EPM2A: variants seen among roughly 807,000 people sequenced by gnomAD.
The protein encoded by EPM2A is laforin.
EPM2A carries 21 observed loss-of-function variants against 26.5 expected under a neutral mutation model. The ratio of observed to expected loss-of-function variants is 0.79; its 90% CI spans 0.56 to 1.14. The LOEUF is 1.14. Ranked by LOEUF, EPM2A falls within the 50% of genes most tolerant of loss-of-function variation. EPM2A has a pLI of 0.00. For missense variants in EPM2A, 458 were observed against 440.8 expected, an observed-to-expected ratio of 1.04 and a Z score of -0.35; for synonymous variants, 217 against 177.6, an observed-to-expected ratio of 1.22 and a Z score of -1.76.
At chr6:145,558,765 C>T (rs1004310326) in intron 2 of EPM2A, among the ~76,000 whole-genome samples, 10 of 151,986 alleles carry the variant, frequency 6.6e-5, no homozygotes, top group Non-Finnish European at 1.5e-4. Context: ...TGACTAAAGC[C>T]CAAGTTACTA....
chr6:145,490,174 T>C (rs1341345340), intron 4 of EPM2A: 6 of 1,030,098 alleles, frequency 5.8e-6, no homozygotes, highest in Non-Finnish European at 4.3e-6. Context: ...CTTCCATTAC[T>C]AGACGCTCTG....
At position 145,474,101 on chromosome 6, in the gene EPM2A, G is replaced by A. The variant is rs541750084; in HGVS notation, c.555+28421C>T. 1.3e-4 allele frequency among the ~76,000 whole-genome samples: 20 copies of A among 152,192 alleles called. No individual in the cohort carries two copies. In the East Asian group the frequency reaches 3.7e-3, roughly 28 times the overall value. Reference sequence around the variant, plus strand: ...AGTGTGAATCAATAAAAAATCATAAGTACAACAATTTTTCAAGATATAGTT... The same window carrying A: ...AGTGTGAATCAATAAAAAATCATAAATACAACAATTTTTCAAGATATAGTT... On this transcript the variant is annotated intron_variant, in intron 4 of 4. Transcript: ENST00000638717.
At chr6:145,596,942 C>A (rs555173159) in intron 2 of EPM2A, among the ~76,000 whole-genome samples, 49 of 102,232 alleles carry the variant, frequency 4.8e-4, no homozygotes, top group Admixed American at 8.7e-4. Flanking sequence ...GGCCGGACTG[C>A]GGACTGCAGT....
intron 2 of EPM2A, among the ~76,000 whole-genome samples, chr6:145,597,729 T>C (rs1398183038): frequency 3.3e-5 from 5 of 152,146 alleles, no homozygotes. Flanking sequence ...TCTCTTTCCT[T>C]TCACCCTCAA....
At chr6:145,464,154 T>C (rs531607314) in intron 4 of EPM2A, among the ~76,000 whole-genome samples, 2 of 152,228 alleles carry the variant, frequency 1.3e-5, no homozygotes, top group African/African-American at 2.4e-5. Flanking sequence ...GATTCCCCCA[T>C]GCTGTTCTCG....
At chr6:145,544,241 G>C (rs1780552615) in intron 2 of EPM2A, among the ~76,000 whole-genome samples, 1 of 152,144 alleles carries the variant, frequency 6.6e-6, no homozygotes, top group African/African-American at 2.4e-5. Flanking sequence ...CTCACAGATT[G>C]CTAAGCCGCA....
intron 2 of EPM2A, among the ~76,000 whole-genome samples, chr6:145,647,756 A>G (rs1197649780): frequency 6.6e-6 from 1 of 152,154 alleles, no homozygotes; most frequent in Non-Finnish European, 1.5e-5. Context: ...GGAAGAAGGA[A>G]GGACTTTACT....
chr6:145,438,375 G>T (rs1779016459), intron 4 of EPM2A, among the ~76,000 whole-genome samples: 1 of 152,048 alleles, frequency 6.6e-6, no homozygotes, highest in Admixed American at 6.6e-5. Context: ...TTCTGAGTCT[G>T]GGTCCATAGG....
intron 2 of EPM2A, among the ~76,000 whole-genome samples, chr6:145,653,580 A>G (rs1042146782): frequency 2.0e-5 from 3 of 152,232 alleles, no homozygotes; most frequent in African/African-American, 7.2e-5. Flanking sequence ...GGACATGTGC[A>G]TATGTATATT....
At chr6:145,434,046 T>C (rs1409470953) in intron 4 of EPM2A, among the ~76,000 whole-genome samples, 1 of 152,076 alleles carries the variant, frequency 6.6e-6, no homozygotes, top group African/African-American at 2.4e-5. Flanking sequence ...TATTTTACCC[T>C]CTTTTTTTGT....
chr6:145,456,254 T>C (rs1323901568), intron 4 of EPM2A, among the ~76,000 whole-genome samples: 1 of 152,182 alleles, frequency 6.6e-6, no homozygotes, highest in Non-Finnish European at 1.5e-5. Context: ...ATAATAGAAA[T>C]TACCAATTGC....
chr6:145,492,203 C>T (rs560820625), intron 4 of EPM2A: 2 of 183,114 alleles, frequency 1.1e-5, no homozygotes, highest in African/African-American at 4.8e-5. Flanking sequence ...TAGCTGGCTG[C>T]TTTGGCACCA....
chr6:145,417,112 G>A (rs1778719175), intron 4 of EPM2A, among the ~76,000 whole-genome samples: 1 of 152,136 alleles, frequency 6.6e-6, no homozygotes, highest in South Asian at 2.1e-4. Flanking sequence ...TAGGAAGCTC[G>A]TTATGCTGGG....
chr6:145,719,545 C>T (rs1363929604), intron 1 of EPM2A, among the ~76,000 whole-genome samples: 1 of 151,914 alleles, frequency 6.6e-6, no homozygotes, highest in Non-Finnish European at 1.5e-5. Context: ...GTGGGTGCAG[C>T]ACACCAGCAT....
rs34904009 is a variant in EPM2A, at chr6:145,393,432, C to CAAA, written c.556-9338_556-9336dup. Among the ~76,000 whole-genome samples the CAAA allele has an allele frequency of 7.3e-4, 107 of 147,178 alleles. No individual in the cohort carries two copies. The South Asian group carries it at 0.017, about 24-fold the overall frequency. On this transcript the variant is annotated intron_variant, in intron 4 of 4. Coordinates refer to the EPM2A transcript ENST00000638717. Reference sequence around the variant, plus strand: ...ATTGTGAGAAATAGAAAATGTGGCTCAAAAAAAAAAATCCTGATCATCATA... The same window carrying CAAA: ...ATTGTGAGAAATAGAAAATGTGGCTCAAAAAAAAAAAAAATCCTGATCATCATA...
At chr6:145,675,643 C>T (rs1396561438) in intron 2 of EPM2A, among the ~76,000 whole-genome samples, 1 of 152,008 alleles carries the variant, frequency 6.6e-6, no homozygotes, top group African/African-American at 2.4e-5. Context: ...ATCCTAGTCA[C>T]CAATAAAACA....
At chr6:145,616,869 T>C (rs929752145) in intron 2 of EPM2A, among the ~76,000 whole-genome samples, 3 of 152,206 alleles carry the variant, frequency 2.0e-5, no homozygotes, top group African/African-American at 7.2e-5. Context: ...GCACCCCCAT[T>C]GTATCTAGGA....
intron 4 of EPM2A, among the ~76,000 whole-genome samples, chr6:145,420,855 A>G (rs1405515476): frequency 6.6e-6 from 1 of 150,498 alleles, no homozygotes; most frequent in East Asian, 1.9e-4. Context: ...GAGAGATAGA[A>G]AGAGAGAGAG....
chr6:145,447,437 C>T (rs987418607), intron 4 of EPM2A, among the ~76,000 whole-genome samples: 1 of 152,008 alleles, frequency 6.6e-6, no homozygotes, highest in Non-Finnish European at 1.5e-5. Flanking sequence ...TTATCTCTCA[C>T]TTTTTTACTA....
Sources: gnomAD v4.1 joint callset for allele counts (sites outside exome capture counted in the v4.1 genomes callset) on GRCh38, gnomAD v4.1.1 for gene constraint, MANE v1.5 for transcripts, NCBI Gene and HGNC (gene_info 2026-07-23, HGNC 2026-07-21) for gene names.